CCSER1: variants seen among roughly 807,000 people sequenced by gnomAD.
CCSER1 encodes the protein serine-rich coiled-coil domain-containing protein 1.
In CCSER1, 41 loss-of-function variants were observed where a neutral mutation model predicts 82.0. The ratio of observed to expected loss-of-function variants is 0.50; its 90% CI spans 0.39 to 0.65. CCSER1 has a LOEUF of 0.65. Among genes scored for constraint, CCSER1 ranks in the 30% least tolerant of loss-of-function variants. The probability of loss-of-function intolerance (pLI) is 0.00; values close to 1 mark genes in which losing one functional copy is unlikely to be tolerated. For missense variants in CCSER1, 1,119 were observed against 1,064.2 expected (o/e 1.05, Z -0.72); for synonymous variants, 414 against 383.9 (o/e 1.08, Z -0.92).
intron 10 of CCSER1, among the ~76,000 whole-genome samples, chr4:91,347,883 G>A (rs1226599986): frequency 6.7e-6 from 1 of 149,482 alleles, no homozygotes; most frequent in Admixed American, 6.7e-5. Flanking sequence ...TCAATTCTCT[G>A]CAATTTTCTA....
intron 10 of CCSER1, among the ~76,000 whole-genome samples, chr4:91,341,447 T>C (rs1317288224): frequency 6.6e-6 from 1 of 152,240 alleles, no homozygotes; most frequent in Non-Finnish European, 1.5e-5. Context: ...AAAGTAGCTT[T>C]AATGGTTTTC....
chr4:90,199,027 C>T (rs17016638), intron 1 of CCSER1, among the ~76,000 whole-genome samples: 7,166 of 152,056 alleles, frequency 0.047, 408 homozygotes, highest in East Asian at 0.25. Flanking sequence ...TACCTGTCTG[C>T]TATACATTTT....
chr4:90,395,374 T>G (rs1295694351), intron 3 of CCSER1, among the ~76,000 whole-genome samples: 1 of 152,248 alleles, frequency 6.6e-6, no homozygotes, highest in Non-Finnish European at 1.5e-5. Flanking sequence ...TATATTTCTT[T>G]TCATCTTTTT....
At chr4:90,590,273 C>A (rs1315633713) in intron 5 of CCSER1, among the ~76,000 whole-genome samples, 1 of 151,966 alleles carries the variant, frequency 6.6e-6, no homozygotes, top group African/African-American at 2.4e-5. Context: ...CAGAGTGAGA[C>A]TCTGTCTCAA....
At chr4:91,346,236 C>T (rs950262433) in intron 10 of CCSER1, among the ~76,000 whole-genome samples, 3 of 151,946 alleles carry the variant, frequency 2.0e-5, no homozygotes, top group Admixed American at 1.3e-4. Context: ...AGGATGGTCT[C>T]GACCTCTTGA....
intron 5 of CCSER1, among the ~76,000 whole-genome samples, chr4:90,503,888 T>C (rs989026120): frequency 1.3e-5 from 2 of 152,150 alleles, no homozygotes; most frequent in Non-Finnish European, 2.9e-5. Context: ...ATCTATGACA[T>C]GCTTAGACTT....
chr4:90,697,610 T>C (rs141605725), intron 6 of CCSER1, among the ~76,000 whole-genome samples: 16 of 152,286 alleles, frequency 1.1e-4, no homozygotes, highest in Non-Finnish European at 2.2e-4. Flanking sequence ...ATTTTTGCTA[T>C]CCGCATAAAC....
intron 5 of CCSER1, among the ~76,000 whole-genome samples, chr4:90,603,998 A>G (rs1428375312): frequency 6.6e-6 from 1 of 152,036 alleles, no homozygotes; most frequent in African/African-American, 2.4e-5. Flanking sequence ...TCGAGAAAGA[A>G]AGAAGAAATA....
chr4:91,145,941 G>A (rs375027345), intron 10 of CCSER1, among the ~76,000 whole-genome samples: 70 of 152,100 alleles, frequency 4.6e-4, no homozygotes, highest in East Asian at 3.5e-3. Context: ...GGGGATGTTC[G>A]TCTGATATAA....
chr4:91,559,537 A>AT (rs1015445842), intron 10 of CCSER1, among the ~76,000 whole-genome samples: 2 of 151,014 alleles, frequency 1.3e-5, no homozygotes, highest in Admixed American at 6.6e-5. Context: ...CCATCTGGCC[A>AT]TTTTTTTTGA....
At chr4:90,399,994 C>G in intron 3 of CCSER1, 42 bp from the exon 4 acceptor site, 1 of 1,094,960 alleles carries the variant, frequency 9.1e-7, no homozygotes, top group East Asian at 2.4e-5. Context: ...CTCATTTACT[C>G]AGTGTTTTGG....
chr4:90,375,740 T>A (rs1339110017), intron 3 of CCSER1, among the ~76,000 whole-genome samples: 1 of 152,202 alleles, frequency 6.6e-6, no homozygotes, highest in Non-Finnish European at 1.5e-5. Flanking sequence ...AACCTCTGGA[T>A]GTCCTCCACA....
intron 8 of CCSER1, among the ~76,000 whole-genome samples, chr4:90,857,015 A>G (rs1372531344): frequency 6.6e-6 from 1 of 151,346 alleles, no homozygotes; most frequent in Non-Finnish European, 1.5e-5. Flanking sequence ...TAGGCATGCT[A>G]TCTTTTACTT....
chr4:91,592,222 G>A (rs1764301580), intron 10 of CCSER1, among the ~76,000 whole-genome samples: 1 of 152,148 alleles, frequency 6.6e-6, no homozygotes, highest in African/African-American at 2.4e-5. Context: ...TTCTTCATAT[G>A]ATGGCAGGAA....
chr4:90,724,285 A>T (rs1476373314), intron 7 of CCSER1, among the ~76,000 whole-genome samples: 1 of 151,942 alleles, frequency 6.6e-6, no homozygotes, highest in African/African-American at 2.4e-5. Flanking sequence ...TATTTTGTTT[A>T]TAGTAATTAT....
intron 7 of CCSER1, among the ~76,000 whole-genome samples, chr4:90,790,562 C>T (rs1272467772): frequency 6.6e-6 from 1 of 151,976 alleles, no homozygotes; most frequent in African/African-American, 2.4e-5. Context: ...TTTTTCCCCC[C>T]AGAATGCTTT....
At chr4:90,265,726 A>G (rs1725120387) in intron 1 of CCSER1, among the ~76,000 whole-genome samples, 1 of 152,136 alleles carries the variant, frequency 6.6e-6, no homozygotes, top group Non-Finnish European at 1.5e-5. Context: ...TATTAATTGC[A>G]TGATCTTAAG....
At chr4:90,704,012 C>G (rs923129572) in intron 6 of CCSER1, among the ~76,000 whole-genome samples, 20 of 152,124 alleles carry the variant, frequency 1.3e-4, no homozygotes, top group Non-Finnish European at 2.9e-4. Context: ...TTGATCCTGT[C>G]TTTATGATGT....
Position 90,838,911 on chromosome 4 carries a change from C to T in CCSER1, c.2094+23066C>T, listed in dbSNP as rs753404872. ...TGGCGGCGCACGCCTCATTACGATT[C>T]GCCTGCTTGCTTCTCCTGTTCAATC... On this transcript the variant is annotated intron_variant, in intron 8 of 10. Coordinates refer to ENST00000509176, the MANE Select transcript of CCSER1 (RefSeq NM_001145065.2). The T allele has an allele frequency of 1.9e-6, 3 of 1,613,316 alleles. No individual in the cohort carries two copies. In the East Asian group the frequency reaches 6.7e-5, roughly 36 times the overall value.
Sources: allele counts gnomAD v4.1 joint callset (sites outside exome capture counted in the v4.1 genomes callset), GRCh38; gene constraint gnomAD v4.1.1; transcripts MANE v1.5; gene names NCBI Gene and HGNC (gene_info 2026-07-23, HGNC 2026-07-21).